The following CDK14 variants were observed in gnomAD, a reference collection of about 807,000 sequenced individuals.
CDK14 encodes the protein cyclin-dependent kinase 14.
A neutral mutation model predicts 60.7 loss-of-function variants in CDK14; 34 were observed. The ratio of observed to expected loss-of-function variants is 0.56; its 90% CI spans 0.43 to 0.75. The LOEUF (loss-of-function observed/expected upper bound fraction) is 0.75, where lower values mean the gene tolerates loss of function less well. Among genes scored for constraint, CDK14 ranks in the 30% least tolerant of loss-of-function variants. The probability of loss-of-function intolerance (pLI) is 0.00; values close to 1 mark genes in which losing one functional copy is unlikely to be tolerated. For missense variants in CDK14, 482 were observed against 564.1 expected (o/e 0.85, Z 1.47); for synonymous variants, 197 against 203.7 (o/e 0.97, Z 0.28).
chr7:90,999,973 G>A (rs1795796482), intron 10 of CDK14, among the ~76,000 whole-genome samples: 1 of 152,112 alleles, frequency 6.6e-6, no homozygotes, highest in African/African-American at 2.4e-5. Flanking sequence ...TAATGACTGG[G>A]CCATATGAAA....
chr7:91,129,852 C>G (rs183759564), intron 14 of CDK14, among the ~76,000 whole-genome samples: 2 of 152,172 alleles, frequency 1.3e-5, no homozygotes, highest in Non-Finnish European at 2.9e-5. Context: ...ACGTGTCAAC[C>G]TTTGAAATAC....
chr7:91,181,250 T>C (rs1274643297), intron 14 of CDK14, among the ~76,000 whole-genome samples: 1 of 152,198 alleles, frequency 6.6e-6, no homozygotes, highest in African/African-American at 2.4e-5. Flanking sequence ...CTTTCTTTCT[T>C]CATAAAATTT....
intron 7 of CDK14, among the ~76,000 whole-genome samples, chr7:90,915,148 C>T (rs73405502): frequency 0.03 from 4,597 of 152,082 alleles, 227 homozygotes; most frequent in African/African-American, 0.1. Context: ...CTTTTCTGGC[C>T]GAGTAGAGGC....
At chr7:90,749,205 T>A (rs2116815157) in intron 4 of CDK14, among the ~76,000 whole-genome samples, 1 of 152,254 alleles carries the variant, frequency 6.6e-6, no homozygotes, top group Non-Finnish European at 1.5e-5. Flanking sequence ...CCCGGGCAGA[T>A]CTCCAGGCCT....
At chr7:91,041,588 A>G (rs1244692950) in intron 10 of CDK14, among the ~76,000 whole-genome samples, 1 of 152,234 alleles carries the variant, frequency 6.6e-6, no homozygotes, top group Non-Finnish European at 1.5e-5. Context: ...TGTAACTTGA[A>G]CAACAGTTTC....
chr7:90,700,480 T>C (rs1437673376), intron 2 of CDK14, among the ~76,000 whole-genome samples: 1 of 152,154 alleles, frequency 6.6e-6, no homozygotes, highest in African/African-American at 2.4e-5. Context: ...ATCCAGATAA[T>C]CTTCTACCAG....
At chr7:90,836,668 C>T (rs1169174685) in intron 5 of CDK14, among the ~76,000 whole-genome samples, 4 of 152,144 alleles carry the variant, frequency 2.6e-5, no homozygotes, top group African/African-American at 7.2e-5. Context: ...GTAACATAGT[C>T]ATTTATTATC....
chr7:91,146,451 T>C (rs1244647134), intron 14 of CDK14, among the ~76,000 whole-genome samples: 1 of 151,730 alleles, frequency 6.6e-6, no homozygotes, highest in Non-Finnish European at 1.5e-5. Context: ...TCTGCTTGCC[T>C]CAGCCTCCCA....
At chr7:90,922,945 A>G (rs1284507233) in intron 8 of CDK14, among the ~76,000 whole-genome samples, 3 of 152,042 alleles carry the variant, frequency 2.0e-5, no homozygotes, top group Admixed American at 6.6e-5. Flanking sequence ...CTCCCCCACT[A>G]TTAACATCTG....
chr7:91,136,892 G>A (rs1324626102), intron 14 of CDK14, among the ~76,000 whole-genome samples: 1 of 152,188 alleles, frequency 6.6e-6, no homozygotes, highest in Admixed American at 6.5e-5. Context: ...AAAACTTGCA[G>A]CATGTAAAAA....
intron 14 of CDK14, among the ~76,000 whole-genome samples, chr7:91,174,242 G>C (rs1801643972): frequency 6.6e-6 from 1 of 151,934 alleles, no homozygotes; most frequent in Non-Finnish European, 1.5e-5. Context: ...CTGCAGCTGA[G>C]GGTCCTCTCT....
chr7:91,174,039 G>A (rs539013426), intron 14 of CDK14, among the ~76,000 whole-genome samples: 43 of 152,258 alleles, frequency 2.8e-4, no homozygotes, highest in East Asian at 1.4e-3. Context: ...AGTAACCTCC[G>A]CAGACTTAAA....
chr7:90,615,769 C>T (rs1280971947), intron 2 of CDK14, among the ~76,000 whole-genome samples: 2 of 152,008 alleles, frequency 1.3e-5, no homozygotes, highest in Non-Finnish European at 2.9e-5. Flanking sequence ...GAGATTGCAC[C>T]AGTTCTATAA....
intron 5 of CDK14, among the ~76,000 whole-genome samples, chr7:90,822,713 TGCCTGAA>T (rs1371637111): frequency 6.6e-6 from 1 of 152,188 alleles, no homozygotes; most frequent in African/African-American, 2.4e-5. Flanking sequence ...AACATAATGT[TGCCTGAA>T]AAAAGGCAGA....
intron 6 of CDK14, among the ~76,000 whole-genome samples, chr7:90,873,668 A>G (rs1323696898): frequency 6.6e-6 from 1 of 152,196 alleles, no homozygotes; most frequent in Non-Finnish European, 1.5e-5. Flanking sequence ...CAGGTTTCTT[A>G]TGAAAAAACA....
chr7:90,853,448 A>G (rs985138209), intron 5 of CDK14, among the ~76,000 whole-genome samples: 10 of 152,038 alleles, frequency 6.6e-5, no homozygotes, highest in African/African-American at 2.4e-4. Flanking sequence ...GAACTGAGGG[A>G]CTGACTTAGC....
intron 4 of CDK14, among the ~76,000 whole-genome samples, chr7:90,782,553 G>A (rs537686094): frequency 6.6e-6 from 1 of 152,212 alleles, no homozygotes; most frequent in Admixed American, 6.5e-5. Context: ...ACATGCCTCA[G>A]TCGTTTTTGT....
At position 90,812,983 on chromosome 7, in the gene CDK14, A is replaced by T. The variant is rs575161480; in HGVS notation, c.544+22331A>T. Among the ~76,000 whole-genome samples the T allele has an allele frequency of 1.1e-3, 161 of 152,346 alleles. 1 individual carries two copies. Among genetic ancestry groups the T allele is most frequent in the Non-Finnish European group, 2.0e-3 (134 of 68,024 alleles). The stretch of plus-strand genomic sequence containing the variant: ...CATTTACCTAAGTGTTTCCAGTATT[A>T]TTATGCAGAATAGCCAAAATCTGGA... On this transcript the variant is annotated intron_variant, in intron 5 of 14. Transcript: ENST00000380050.
intron 6 of CDK14, among the ~76,000 whole-genome samples, chr7:90,887,699 A>T (rs898901846): frequency 8.5e-5 from 13 of 152,310 alleles, no homozygotes; most frequent in Admixed American, 5.9e-4. Flanking sequence ...TAAAATCTTA[A>T]TAACATTGCT....
Sources: allele counts gnomAD v4.1 joint callset (sites outside exome capture counted in the v4.1 genomes callset), GRCh38; gene constraint gnomAD v4.1.1; transcripts MANE v1.5; gene names NCBI Gene and HGNC (gene_info 2026-07-23, HGNC 2026-07-21).